Variants in CPOX observed in about 807,000 individuals in gnomAD.
The protein encoded by CPOX is oxygen-dependent coproporphyrinogen-III oxidase, mitochondrial.
CPOX carries 24 observed loss-of-function variants against 48.9 expected under a neutral mutation model. The observed-to-expected ratio is 0.49, with a 90% CI of 0.36 to 0.69. CPOX has a LOEUF of 0.69. Ranked by LOEUF, CPOX falls within the 30% of genes least tolerant of loss-of-function variation. The pLI is 0.00. For synonymous variants in CPOX, 249 were observed against 234.6 expected (o/e 1.06, Z -0.56); for missense variants, 549 against 597.3 (o/e 0.92, Z 0.84).
downstream of CPOX, among the ~76,000 whole-genome samples, chr3:98,576,026 C>T (rs1366168620): frequency 3.6e-5 from 5 of 137,932 alleles, no homozygotes; most frequent in Non-Finnish European, 3.0e-5. Context: ...GAGCCAGGAT[C>T]GCACCATTGC....
At position 98,593,335 on chromosome 3, in the gene CPOX, T is replaced by G; in HGVS notation, c.170A>C (p.Glu57Ala). 1 of 1,373,370 alleles carries G rather than the reference T, an allele frequency of 7.3e-7. No homozygotes were observed. The highest frequency in any genetic ancestry group is 9.3e-7 in the Non-Finnish European group (1 of 1,076,346). 85.1% of individuals were successfully genotyped at this position (1,373,370 alleles called of 1,614,324 possible). The change falls in exon 1 of 7, where the codon GAG (glutamate) becomes GCG (alanine). Residue 57 changes from glutamate (E) to alanine (A), a missense_variant. Around this residue, in one of 2 missense-constraint regions of CPOX, gnomAD observed 336 missense variants for 318.1 expected, o/e 1.06. Coordinates refer to ENST00000647941, the MANE Select transcript of CPOX (RefSeq NM_000097.7). ...VCRPPGPAGT[E>A]QSRGLGHGST... ...GCCGTGCCCCAGCCCGCGGCTCTGC[T>G]CCGTGCCAGCCGGGCCAGGGGGCCG...
At chr3:98,591,302 T>C (rs1432249363) in intron 1 of CPOX, 147 bp from the exon 2 acceptor site, 3 of 848,160 alleles carry the variant, frequency 3.5e-6, no homozygotes, top group Non-Finnish European at 5.7e-6. Flanking sequence ...ATTAGATAAC[T>C]AGCTTAGCTT....
At position 98,588,645 on chromosome 3, in the gene CPOX, A is replaced by G. The variant is rs1231233830; in HGVS notation, c.953+68T>C. 3.9e-6 allele frequency: 6 copies of G among 1,540,606 alleles called. No homozygotes were observed. In the Admixed American group the frequency reaches 8.3e-5, roughly 21 times the overall value. ...TAAGCAGAAGAGGGTATTTAGTGAC[A>G]TAATAGTTGCCTTCAGAAGGAACAG... On this transcript the variant is annotated intron_variant, in intron 4 of 6. Coordinates refer to ENST00000647941, the MANE Select transcript of CPOX (RefSeq NM_000097.7).
intron 1 of CPOX, among the ~76,000 whole-genome samples, chr3:98,592,152 A>G (rs1049167792): frequency 4.6e-5 from 7 of 152,144 alleles, no homozygotes; most frequent in African/African-American, 7.2e-5. Flanking sequence ...GCTTGAAAAC[A>G]TAAGATGGAA....
At chr3:98,583,337 T>C (rs936285154) in intron 5 of CPOX, among the ~76,000 whole-genome samples, 4 of 152,202 alleles carry the variant, frequency 2.6e-5, no homozygotes, top group Non-Finnish European at 5.9e-5. Flanking sequence ...TAATAAGCAG[T>C]CATATAATTC....
rs1239134864 is a variant in CPOX at position 98,585,541 on chromosome 3, C to T, written c.1072G>A (p.Ala358Thr). The T allele has an allele frequency of 1.2e-6, 2 of 1,613,942 alleles. No individual in the cohort carries two copies. Among genetic ancestry groups the T allele is most frequent in the Non-Finnish European group, 1.7e-6 (2 of 1,180,004 alleles). ...ATGTAAGAAGGAACTACAGCCCTGG[C>T]ACAGCTCTGTACAAAGCGAAACACC... is the stretch of plus-strand genomic sequence containing the variant. ...EEVFRFVQSCARAVVPSYIPL... is the reference protein window; with the variant it reads ...EEVFRFVQSCTRAVVPSYIPL... The change falls in exon 5 of 7, where the codon GCC (alanine) becomes ACC (threonine). Residue 358 changes from alanine to threonine, a missense_variant. Around this residue, in one of 2 missense-constraint regions of CPOX, gnomAD observed 213 missense variants for 279.1 expected, o/e 0.76. Coordinates refer to ENST00000647941, the MANE Select transcript of CPOX (RefSeq NM_000097.7).
downstream of CPOX, among the ~76,000 whole-genome samples, chr3:98,577,673 C>CTACA (rs558940447): frequency 3.2e-3 from 484 of 152,288 alleles, no homozygotes; most frequent in Non-Finnish European, 5.4e-3. Context: ...GAAAGTGACA[C>CTACA]TACATAACCT....
intron 6 of CPOX, among the ~76,000 whole-genome samples, chr3:98,581,027 A>G (rs1057125140): frequency 5.9e-5 from 9 of 152,130 alleles, no homozygotes; most frequent in African/African-American, 1.7e-4. Flanking sequence ...CACCTTTAAT[A>G]TAAACCAGGG....
At position 98,580,461 on chromosome 3, in the gene CPOX, G is replaced by C; in HGVS notation, c.*222C>G. The C allele has an allele frequency of 7.3e-7, 1 of 1,377,276 alleles. No individual in the cohort carries two copies. The highest frequency in any genetic ancestry group is 1.5e-5 in the South Asian group (1 of 65,178). The allele number at this position is 1,377,276 out of a possible 1,614,324, so 85.3% of individuals were successfully genotyped here. ...AAACTAGTCATATAAAATGACACTA[G>C]AAGTATAAATGAGGTTTAATCAATT... On this transcript the variant is annotated 3_prime_UTR_variant, in exon 7 of 7. Transcript: ENST00000647941.
rs1399293457 is a variant in CPOX, at chr3:98,593,577, G to A, written c.-73C>T. 30 of 1,427,090 alleles carry A rather than the reference G, an allele frequency of 2.1e-5. No individual in the cohort carries two copies. In the African/African-American group the frequency reaches 2.3e-4, roughly 11 times the overall value. 88.4% of individuals were successfully genotyped at this position (1,427,090 alleles called of 1,614,324 possible). A position where few individuals can be genotyped will look rare whatever the true frequency, so the allele number is the denominator to read the frequency against. On this transcript the variant is annotated 5_prime_UTR_variant, in exon 1 of 7. Coordinates refer to ENST00000647941, the MANE Select transcript of CPOX (RefSeq NM_000097.7). ...GTTTGAGCCCCCCACCCAGACCCCC[G>A]GAGTATTGAGCCGGCGAGCTGCACA...
At chr3:98,584,755 C>T (rs1369311736) in intron 5 of CPOX, among the ~76,000 whole-genome samples, 2 of 152,178 alleles carry the variant, frequency 1.3e-5, no homozygotes, top group Non-Finnish European at 2.9e-5. Flanking sequence ...TCAGACTGGA[C>T]ACCCCACTGA....
chr3:98,571,485 G>T, the CPOX span, among the ~76,000 whole-genome samples: 1 of 151,526 alleles, frequency 6.6e-6, no homozygotes, highest in Non-Finnish European at 1.5e-5. Flanking sequence ...TCAGGAGATC[G>T]AGACCATCCC....
chr3:98,586,696 G>A (rs923058991), intron 4 of CPOX, among the ~76,000 whole-genome samples: 1 of 152,106 alleles, frequency 6.6e-6, no homozygotes, highest in African/African-American at 2.4e-5. Context: ...TGTAATCCCA[G>A]CACTTTGGGA....
Position 98,580,530 on chromosome 3 carries a change from C to A in CPOX, c.*153G>T. 1 of 1,493,182 alleles carries A rather than the reference C, an allele frequency of 6.7e-7. No homozygotes were observed. Among genetic ancestry groups the A allele is most frequent in the Non-Finnish European group, 8.9e-7 (1 of 1,122,306 alleles). 92.5% of individuals were successfully genotyped at this position (1,493,182 alleles called of 1,614,324 possible). A position where few individuals can be genotyped will look rare whatever the true frequency, so the allele number is the denominator to read the frequency against. ...TCTCACCATTCATCACTGACAGCAT[C>A]CAAAACATGTTATCATCTGCCCACG... On this transcript the variant is annotated 3_prime_UTR_variant, in exon 7 of 7. Coordinates refer to ENST00000647941, the MANE Select transcript of CPOX (RefSeq NM_000097.7).
the CPOX span, among the ~76,000 whole-genome samples, chr3:98,573,832 G>T: frequency 6.6e-6 from 1 of 151,960 alleles, no homozygotes; most frequent in Non-Finnish European, 1.5e-5. Context: ...CTTCTATTTG[G>T]AAACAACCAT....
At chr3:98,588,930 T>A in intron 3 of CPOX, 76 bp from the exon 4 acceptor site, 2 of 1,519,656 alleles carry the variant, frequency 1.3e-6, no homozygotes, top group Non-Finnish European at 1.8e-6. Context: ...GACACTTAAT[T>A]TAGCAGCTTA....
intron 1 of CPOX, 98 bp from the exon 2 acceptor site, chr3:98,591,253 C>T: frequency 7.9e-7 from 1 of 1,267,492 alleles, no homozygotes; most frequent in Non-Finnish European, 1.1e-6. Flanking sequence ...TTTCCCAAAT[C>T]TTTTATATCA....
At chr3:98,590,795 G>C in intron 2 of CPOX, 53 bp from the exon 3 acceptor site, 1 of 1,334,010 alleles carries the variant, frequency 7.5e-7, no homozygotes, top group African/African-American at 1.4e-5. Flanking sequence ...TGAATGCCTT[G>C]ATACAATTTC....
At chr3:98,588,923 A>AGTGT in intron 3 of CPOX, 69 bp from the exon 4 acceptor site, 3 of 1,545,248 alleles carry the variant, frequency 1.9e-6, no homozygotes, top group Non-Finnish European at 2.7e-6. Context: ...ATATTAGGAC[A>AGTGT]CTTAATTTAG....
Sources: allele counts gnomAD v4.1 joint callset (sites outside exome capture counted in the v4.1 genomes callset), GRCh38; gene constraint gnomAD v4.1.1; regional missense constraint gnomAD v4.1.1; transcripts MANE v1.5; gene names NCBI Gene and HGNC (gene_info 2026-07-23, HGNC 2026-07-21).